The following PRDM16 variants were observed in gnomAD, a reference collection of about 807,000 sequenced individuals.
PRDM16 encodes PR/SET domain 16, also known as histone-lysine N-methyltransferase PRDM16.
A neutral mutation model predicts 110.6 loss-of-function variants in PRDM16; 23 were observed. The ratio of observed to expected loss-of-function variants is 0.21; its 90% CI spans 0.15 to 0.29. The LOEUF is 0.29. PRDM16 is among the 10% of genes least tolerant of loss of function. The pLI, the probability that PRDM16 is intolerant of heterozygous loss-of-function variation, is 1.00. For missense variants in PRDM16, 1,615 were observed against 1,794.3 expected (o/e 0.90, Z 1.81); for synonymous variants, 799 against 781.8 (o/e 1.02, Z -0.37).
chr1:3,119,751 C>G lies in PRDM16; in HGVS notation c.37+50455C>G, dbSNP rs537796382. On this transcript the variant is annotated intron_variant, in intron 1 of 16. Coordinates refer to ENST00000270722, the MANE Select transcript of PRDM16 (RefSeq NM_022114.4). The stretch of plus-strand genomic sequence containing the variant: ...GAGATTTTTATGACTGATCCTTTTT[C>G]TTCACGTAAGCGGTGGAGTTAAGTG... 7.2e-5 allele frequency among the ~76,000 whole-genome samples: 11 copies of G among 152,346 alleles called. No individual in the cohort carries two copies. In the East Asian group the frequency reaches 2.1e-3, roughly 29 times the overall value.
chr1:3,141,562 G>A (rs1252197468), intron 1 of PRDM16, among the ~76,000 whole-genome samples: 1 of 152,254 alleles, frequency 6.6e-6, no homozygotes, highest in African/African-American at 2.4e-5. Context: ...AGCCCGGCCA[G>A]GCCTCTGCCC....
intron 3 of PRDM16, among the ~76,000 whole-genome samples, chr1:3,351,670 TCCC>T: frequency 6.0e-5 from 1 of 16,648 alleles, no homozygotes; most frequent in Non-Finnish European, 1.1e-4. Context: ...TCCCTCTTTC[TCCC>T]CTCCCTCTTT....
intron 2 of PRDM16, 103 bp downstream of exon 2, chr1:3,186,577 G>A (rs1442063896): frequency 9.8e-6 from 7 of 716,238 alleles, no homozygotes; most frequent in East Asian, 8.6e-5. Context: ...CGGGAGGCGC[G>A]GCCAGAGAGA....
At chr1:3,293,779 C>T (rs1641027771) in intron 3 of PRDM16, among the ~76,000 whole-genome samples, 1 of 152,182 alleles carries the variant, frequency 6.6e-6, no homozygotes, top group Non-Finnish European at 1.5e-5. Flanking sequence ...GTCCGGGAGT[C>T]GGCAGCAATG....
intron 2 of PRDM16, chr1:3,207,057 A>T (rs1174240601): frequency 6.6e-6 from 1 of 152,236 alleles, no homozygotes; most frequent in Non-Finnish European, 1.5e-5. Context: ...GAGGAGACAC[A>T]GCTGTGGCTT....
At chr1:3,387,505 G>A (rs1037036248) in intron 4 of PRDM16, among the ~76,000 whole-genome samples, 16 of 152,148 alleles carry the variant, frequency 1.1e-4, no homozygotes, top group Admixed American at 3.3e-4. Context: ...CTTCCCCTCC[G>A]ACAGGGAGAG....
intron 3 of PRDM16, among the ~76,000 whole-genome samples, chr1:3,337,913 C>T (rs1242190053): frequency 6.6e-6 from 1 of 152,208 alleles, no homozygotes; most frequent in East Asian, 1.9e-4. Context: ...CACTTGTGTA[C>T]ACATAGATAT....
At chr1:3,142,610 G>A (rs1460858502) in intron 1 of PRDM16, among the ~76,000 whole-genome samples, 1 of 152,208 alleles carries the variant, frequency 6.6e-6, no homozygotes, top group African/African-American at 2.4e-5. Context: ...AAGACAGGCT[G>A]CCACTGCCGT....
chr1:3,073,025 C>G (rs942037161), intron 1 of PRDM16, among the ~76,000 whole-genome samples: 1 of 152,262 alleles, frequency 6.6e-6, no homozygotes, highest in African/African-American at 2.4e-5. Context: ...AACCACCAGA[C>G]GCCCACTCGG....
intron 3 of PRDM16, among the ~76,000 whole-genome samples, chr1:3,281,761 G>A (rs1640715440): frequency 1.3e-5 from 2 of 152,240 alleles, no homozygotes; most frequent in Admixed American, 6.5e-5. Context: ...GCTATGGTTG[G>A]ATTCACAGAT....
Position 3,437,370 on chromosome 1 carries a change from T to G in PRDM16, c.*3559T>G, listed in dbSNP as rs567483826. The G allele has an allele frequency of 1.6e-4, 37 of 232,580 alleles. No individual in the cohort carries two copies. The East Asian group carries it at 2.2e-3, about 14-fold the overall frequency. The allele number at this position is 232,580 out of a possible 1,614,324, so 14.4% of individuals were successfully genotyped here. On this transcript the variant is annotated 3_prime_UTR_variant, in exon 17 of 17. Coordinates refer to ENST00000270722, the MANE Select transcript of PRDM16 (RefSeq NM_022114.4). Reference sequence around the variant, plus strand: ...TTGCCTGAATACATATCACGTATTTTAGACTCGAAGCCTCAAAGCACTGGA... The same window carrying G: ...TTGCCTGAATACATATCACGTATTTGAGACTCGAAGCCTCAAAGCACTGGA...
intron 1 of PRDM16, among the ~76,000 whole-genome samples, chr1:3,114,197 A>G (rs1203222742): frequency 2.3e-5 from 3 of 129,544 alleles, no homozygotes; most frequent in African/African-American, 9.9e-5. Context: ...ACACACGCAC[A>G]CGCACGCACA....
Position 3,198,582 on chromosome 1 carries a change from C to A in PRDM16, c.387+12108C>A, listed in dbSNP as rs571637489. 1.4e-4 allele frequency among the ~76,000 whole-genome samples: 21 copies of A among 152,308 alleles called. No homozygotes were observed. The South Asian group carries it at 4.3e-3, about 32-fold the overall frequency. ...CAGCACCACCGTGCTTTCCAGGGAGCTGGCTTGGTGAGTGGGCCCCACTCT... is the reference window on the plus strand; with the variant it reads ...CAGCACCACCGTGCTTTCCAGGGAGATGGCTTGGTGAGTGGGCCCCACTCT... On this transcript the variant is annotated intron_variant, in intron 2 of 16. Transcript: ENST00000270722.
chr1:3,233,416 C>T (rs1044420512), intron 2 of PRDM16, among the ~76,000 whole-genome samples: 25 of 152,322 alleles, frequency 1.6e-4, no homozygotes, highest in South Asian at 2.1e-4. Flanking sequence ...ACAGCGCACC[C>T]GCCGGAGCTG....
At chr1:3,125,359 C>T (rs1469531961) in intron 1 of PRDM16, among the ~76,000 whole-genome samples, 2 of 152,248 alleles carry the variant, frequency 1.3e-5, no homozygotes, top group Admixed American at 1.3e-4. Context: ...AGAGGACGGT[C>T]CTCCTGTCCT....
At chr1:3,293,658 G>A (rs745447292) in intron 3 of PRDM16, among the ~76,000 whole-genome samples, 1 of 152,268 alleles carries the variant, frequency 6.6e-6, no homozygotes, top group Non-Finnish European at 1.5e-5. Flanking sequence ...TTCTGAGTAA[G>A]TGGTTGTCTC....
chr1:3,282,944 G>A (rs559196195), intron 3 of PRDM16, among the ~76,000 whole-genome samples: 1 of 152,346 alleles, frequency 6.6e-6, no homozygotes, highest in African/African-American at 2.4e-5. Context: ...TAGAGGAGGG[G>A]CGTCTCCCTT....
chr1:3,294,807 C>A (rs1641050017), intron 3 of PRDM16, among the ~76,000 whole-genome samples: 1 of 152,222 alleles, frequency 6.6e-6, no homozygotes, highest in South Asian at 2.1e-4. Flanking sequence ...AGGTCCTGAT[C>A]ACGGGCACGG....
intron 3 of PRDM16, among the ~76,000 whole-genome samples, chr1:3,282,106 C>T (rs1026540878): frequency 5.9e-5 from 9 of 152,244 alleles, no homozygotes; most frequent in Non-Finnish European, 8.8e-5. Context: ...TCCTTACCAC[C>T]GAAGCAGCTT....
Sources: allele counts gnomAD v4.1 joint callset (sites outside exome capture counted in the v4.1 genomes callset), GRCh38; gene constraint gnomAD v4.1.1; transcripts MANE v1.5; gene names NCBI Gene and HGNC (gene_info 2026-07-23, HGNC 2026-07-21).